Variants in RBFOX1 observed in about 807,000 individuals in gnomAD.
RBFOX1 encodes RNA binding protein fox-1 homolog 1.
In RBFOX1, 8 loss-of-function variants were observed where a neutral mutation model predicts 57.7. The ratio of observed to expected loss-of-function variants is 0.14; its 90% CI spans 0.08 to 0.25. The LOEUF is 0.25. Among genes scored for constraint, RBFOX1 ranks in the 10% least tolerant of loss-of-function variants. The pLI is 1.00. For missense variants in RBFOX1, 611 were observed against 548.5 expected, an observed-to-expected ratio of 1.11 and a Z score of -1.14; for synonymous variants, 326 against 222.4, an observed-to-expected ratio of 1.47 and a Z score of -4.15.
chr16:7,466,981 C>T (rs2060638446), intron 4 of RBFOX1, among the ~76,000 whole-genome samples: 1 of 152,176 alleles, frequency 6.6e-6, no homozygotes, highest in Non-Finnish European at 1.5e-5. Context: ...CTCCAGGGCC[C>T]TGTGTTAGGC....
intron 3 of RBFOX1, among the ~76,000 whole-genome samples, chr16:5,728,055 C>G (rs1395641060): frequency 1.3e-5 from 2 of 152,198 alleles, no homozygotes; most frequent in African/African-American, 2.4e-5. Flanking sequence ...TAGTATTTGT[C>G]TTTCTGTTAT....
chr16:5,968,722 G>A (rs1325323655), intron 4 of RBFOX1, among the ~76,000 whole-genome samples: 1 of 151,936 alleles, frequency 6.6e-6, no homozygotes, highest in East Asian at 1.9e-4. Flanking sequence ...TTGTTTCGAT[G>A]TGTGATTCCA....
chr16:6,859,018 C>T (rs984926019), intron 3 of RBFOX1, among the ~76,000 whole-genome samples: 2 of 149,878 alleles, frequency 1.3e-5, no homozygotes, highest in Non-Finnish European at 3.0e-5. Context: ...GGATGTGTAC[C>T]TGTTTATGTA....
intron 3 of RBFOX1, among the ~76,000 whole-genome samples, chr16:6,852,610 G>T (rs973816642): frequency 6.6e-6 from 1 of 152,118 alleles, no homozygotes. Context: ...CAGATGAGAT[G>T]CATGCTGGGA....
At chr16:6,288,559 T>C (rs2077131475) in intron 1 of RBFOX1, among the ~76,000 whole-genome samples, 1 of 152,202 alleles carries the variant, frequency 6.6e-6, no homozygotes, top group African/African-American at 2.4e-5. Context: ...TCATTTTTGT[T>C]ATCTCCAGTT....
At chr16:5,856,822 T>A (rs778676179) in intron 3 of RBFOX1, among the ~76,000 whole-genome samples, 22 of 151,848 alleles carry the variant, frequency 1.4e-4, no homozygotes, top group East Asian at 2.0e-4. Context: ...CTTAAGGGAA[T>A]GTTGTGGCTT....
chr16:6,978,914 G>A (rs1214309728), intron 3 of RBFOX1, among the ~76,000 whole-genome samples: 1 of 152,150 alleles, frequency 6.6e-6, no homozygotes, highest in Non-Finnish European at 1.5e-5. Context: ...CATTGGAAGG[G>A]CACAGAGGCC....
chr16:6,750,760 C>T (rs975148147), intron 3 of RBFOX1, among the ~76,000 whole-genome samples: 1 of 152,098 alleles, frequency 6.6e-6, no homozygotes, highest in Non-Finnish European at 1.5e-5. Flanking sequence ...CAGACCCTTG[C>T]CTTTGTGGAC....
chr16:5,733,224 A>G (rs2052447328), intron 3 of RBFOX1, among the ~76,000 whole-genome samples: 1 of 152,206 alleles, frequency 6.6e-6, no homozygotes, highest in Non-Finnish European at 1.5e-5. Flanking sequence ...GGGGACTAAC[A>G]CAGTTTCTAA....
chr16:5,742,271 T>TCCCTGCCTCCCTCCCTCC (rs2052798451), intron 3 of RBFOX1, among the ~76,000 whole-genome samples: 1 of 97,346 alleles, frequency 1.0e-5, no homozygotes, highest in African/African-American at 3.8e-5. Flanking sequence ...TTCTTTCCTT[T>TCCCTGCCTCCCTCCCTCC]CTTCCTCCCT....
At chr16:6,570,814 C>G (rs968547056) in intron 2 of RBFOX1, among the ~76,000 whole-genome samples, 7 of 152,088 alleles carry the variant, frequency 4.6e-5, no homozygotes, top group South Asian at 2.1e-4. Context: ...AACTATTTTA[C>G]TTTTAAAGAC....
At chr16:6,984,202 G>A (rs1052311036) in intron 3 of RBFOX1, among the ~76,000 whole-genome samples, 1 of 152,144 alleles carries the variant, frequency 6.6e-6, no homozygotes, top group Non-Finnish European at 1.5e-5. Context: ...AGCCGAGATA[G>A]TGCCATTGCA....
chr16:6,860,211 A>G (rs1007719987), intron 3 of RBFOX1, among the ~76,000 whole-genome samples: 16 of 152,192 alleles, frequency 1.1e-4, no homozygotes, highest in Non-Finnish European at 1.5e-4. Context: ...ATTCAACAAT[A>G]TATATTGAAT....
chr16:7,491,309 A>C (rs957609986), intron 4 of RBFOX1, among the ~76,000 whole-genome samples: 2 of 151,574 alleles, frequency 1.3e-5, no homozygotes, highest in Non-Finnish European at 2.9e-5. Flanking sequence ...TTTGCTATTT[A>C]ATGCAACTTG....
rs995231258 is a variant in RBFOX1 at position 6,975,289 on chromosome 16, A to G, written c.-15-76768A>G. ...TTTTTATTATTTTTTTTTTTGAGACAGGGTCTCATTCTGTCACCCAGGCTG... is the reference window on the plus strand; with the variant it reads ...TTTTTATTATTTTTTTTTTTGAGACGGGGTCTCATTCTGTCACCCAGGCTG... On this transcript the variant is annotated intron_variant, in intron 3 of 15. Transcript: ENST00000550418. Among the ~76,000 whole-genome samples, 7 of 151,734 alleles carry G rather than the reference A, an allele frequency of 4.6e-5. 1 individual carries two copies.
At chr16:6,953,690 C>T (rs1249245008) in intron 3 of RBFOX1, among the ~76,000 whole-genome samples, 1 of 152,182 alleles carries the variant, frequency 6.6e-6, no homozygotes, top group Non-Finnish European at 1.5e-5. Flanking sequence ...CCCAGCCTCA[C>T]ACGCACACGA....
chr16:5,547,062 A>G (rs1432727647), intron 2 of RBFOX1, among the ~76,000 whole-genome samples: 3 of 152,194 alleles, frequency 2.0e-5, no homozygotes, highest in Non-Finnish European at 4.4e-5. Context: ...ACCATTATAC[A>G]TCTTCTAGGA....
intron 10 of RBFOX1, among the ~76,000 whole-genome samples, chr16:7,624,135 A>G (rs1442467569): frequency 6.6e-6 from 1 of 152,208 alleles, no homozygotes; most frequent in African/African-American, 2.4e-5. Context: ...ATGCCAGTAA[A>G]GGAGGACTAA....
intron 1 of RBFOX1, among the ~76,000 whole-genome samples, chr16:5,441,289 G>T (rs1480899700): frequency 6.6e-6 from 1 of 151,824 alleles, no homozygotes; most frequent in African/African-American, 2.4e-5. Flanking sequence ...GGATACAGTG[G>T]TCAGTGTATT....
Sources: allele counts gnomAD v4.1 joint callset (sites outside exome capture counted in the v4.1 genomes callset), GRCh38; gene constraint gnomAD v4.1.1; transcripts MANE v1.5; gene names NCBI Gene and HGNC (gene_info 2026-07-23, HGNC 2026-07-21).